The following ZNF804B variants were observed in gnomAD, a reference collection of about 807,000 sequenced individuals.
ZNF804B encodes zinc finger 804B.
In ZNF804B, 80 loss-of-function variants were observed where a neutral mutation model predicts 101.4. The observed-to-expected ratio is 0.79, with a 90% CI of 0.66 to 0.95. The LOEUF is 0.95. Among genes scored for constraint, ZNF804B ranks in the 40% least tolerant of loss-of-function variants. ZNF804B has a pLI of 0.00. For missense variants in ZNF804B, 1,673 were observed against 1,561.9 expected (o/e 1.07, Z -1.20); for synonymous variants, 622 against 558.8 (o/e 1.11, Z -1.59).
chr7:89,076,214 T>A (rs1392455377), intron 1 of ZNF804B, among the ~76,000 whole-genome samples: 1 of 152,174 alleles, frequency 6.6e-6, no homozygotes, highest in East Asian at 1.9e-4. Flanking sequence ...TGGGGTGGAA[T>A]TATATGGTTT....
chr7:88,982,907 A>AAGAG (rs1234830212), intron 1 of ZNF804B, among the ~76,000 whole-genome samples: 9 of 151,988 alleles, frequency 5.9e-5, no homozygotes, highest in African/African-American at 2.2e-4. Context: ...CCAAACTCCC[A>AAGAG]AGAGAGACAG....
At position 89,196,103 on chromosome 7, in the gene ZNF804B, C is replaced by T. The variant is rs958573606; in HGVS notation, c.109-22052C>T. ...AAAGAGCCTGAATAGCCAATACAAT[C>T]CTAAGTGTAAAGAACAAAGCTGGAG... On this transcript the variant is annotated intron_variant, in intron 1 of 3. Transcript: ENST00000333190. Among the ~76,000 whole-genome samples the T allele has an allele frequency of 5.3e-5, 8 of 152,090 alleles. No individual in the cohort carries two copies. In the South Asian group the frequency reaches 1.5e-3, roughly 28 times the overall value.
chr7:89,058,760 T>A (rs1789333263), intron 1 of ZNF804B, among the ~76,000 whole-genome samples: 1 of 152,096 alleles, frequency 6.6e-6, no homozygotes, highest in Non-Finnish European at 1.5e-5. Flanking sequence ...GTGGTACAAT[T>A]TCAGCTCACC....
chr7:89,124,773 T>A (rs1316859671), intron 1 of ZNF804B, among the ~76,000 whole-genome samples: 2 of 152,130 alleles, frequency 1.3e-5, no homozygotes, highest in Non-Finnish European at 2.9e-5. Flanking sequence ...TATGGCCAAA[T>A]GCAGTAGAGG....
chr7:89,211,786 C>T (rs1223443803), intron 1 of ZNF804B, among the ~76,000 whole-genome samples: 1 of 152,164 alleles, frequency 6.6e-6, no homozygotes, highest in Non-Finnish European at 1.5e-5. Flanking sequence ...ATGATGACTC[C>T]AGCTTTGTTC....
chr7:88,782,747 G>A (rs138353587), intron 1 of ZNF804B, among the ~76,000 whole-genome samples: 99 of 152,226 alleles, frequency 6.5e-4, no homozygotes, highest in African/African-American at 2.3e-3. Flanking sequence ...AAGAAATGGT[G>A]CTTCTGTGAG....
chr7:89,333,908 C>T lies in ZNF804B; in HGVS notation c.926C>T (p.Ser309Phe), dbSNP rs772523537. The T allele has an allele frequency of 6.2e-7, 1 of 1,613,546 alleles. No individual in the cohort carries two copies. Among genetic ancestry groups the T allele is most frequent in the Non-Finnish European group, 8.5e-7 (1 of 1,179,734 alleles). Residue 309 changes from serine to phenylalanine, a missense_variant, in exon 4 of 4, where the codon TCT (serine) becomes TTT (phenylalanine). Physicochemically the swap from Ser to Phe is radical, Grantham distance 155. Coordinates refer to ENST00000333190, the MANE Select transcript of ZNF804B (RefSeq NM_181646.5). ...AAAATTTTGCAAGACAAACACGACT[C>T]TATTGATGAGACACTAGAAGATTCA... ...NSKILQDKHD[S>F]IDETLEDSIG... is the part of the protein sequence containing the mutation.
chr7:88,896,689 A>G (rs1412470426), intron 1 of ZNF804B, among the ~76,000 whole-genome samples: 1 of 152,190 alleles, frequency 6.6e-6, no homozygotes, highest in Non-Finnish European at 1.5e-5. Flanking sequence ...GGGAGGTAAT[A>G]CTTAATCATT....
intron 2 of ZNF804B, among the ~76,000 whole-genome samples, chr7:89,220,047 A>ATATATACGCACACATATATGTGTG (rs1562920296): frequency 2.6e-5 from 1 of 38,760 alleles, no homozygotes; most frequent in African/African-American, 1.2e-4. Flanking sequence ...ATATATGTGC[A>ATATATACGCACACATATATGTGTG]TATATACATA....
chr7:88,877,364 A>G (rs1370521879), intron 1 of ZNF804B, among the ~76,000 whole-genome samples: 1 of 152,008 alleles, frequency 6.6e-6, no homozygotes, highest in South Asian at 2.1e-4. Context: ...AGGTATATGT[A>G]GAATTAGAAA....
intron 1 of ZNF804B, among the ~76,000 whole-genome samples, chr7:88,824,165 C>T (rs975447903): frequency 3.3e-5 from 5 of 152,168 alleles, no homozygotes; most frequent in Admixed American, 2.0e-4. Context: ...GAGTGCTAAG[C>T]ATTTGGTATA....
At chr7:89,192,116 T>C (rs1460396788) in intron 1 of ZNF804B, among the ~76,000 whole-genome samples, 1 of 152,124 alleles carries the variant, frequency 6.6e-6, no homozygotes, top group Admixed American at 6.6e-5. Flanking sequence ...GTTAACAGTT[T>C]GTTGAGATAT....
intron 1 of ZNF804B, among the ~76,000 whole-genome samples, chr7:89,185,929 A>G (rs10243858): frequency 0.012 from 1,826 of 152,216 alleles, 38 homozygotes; most frequent in African/African-American, 0.041. Context: ...GTTAGTCCTT[A>G]TATAAGACTT....
At chr7:88,791,585 C>G (rs574124305) in intron 1 of ZNF804B, among the ~76,000 whole-genome samples, 3 of 151,980 alleles carry the variant, frequency 2.0e-5, no homozygotes, top group Non-Finnish European at 4.4e-5. Context: ...GTATTATAGA[C>G]CCATAAAAAA....
chr7:88,931,678 T>C (rs1309182142), intron 1 of ZNF804B, among the ~76,000 whole-genome samples: 1 of 151,910 alleles, frequency 6.6e-6, no homozygotes, highest in Non-Finnish European at 1.5e-5. Flanking sequence ...CCTTTGATTG[T>C]ATGCTCCATA....
chr7:89,002,389 C>A (rs1258329618), intron 1 of ZNF804B, among the ~76,000 whole-genome samples: 1 of 151,838 alleles, frequency 6.6e-6, no homozygotes, highest in Non-Finnish European at 1.5e-5. Context: ...TATTTTCCCA[C>A]AATAACATGC....
intron 1 of ZNF804B, among the ~76,000 whole-genome samples, chr7:89,170,813 C>T (rs1273827913): frequency 1.3e-5 from 2 of 152,224 alleles, no homozygotes; most frequent in African/African-American, 4.8e-5. Context: ...CAGCAGCACA[C>T]TGCCAATGGG....
intron 1 of ZNF804B, among the ~76,000 whole-genome samples, chr7:89,089,689 A>C (rs1178049290): frequency 1.3e-5 from 2 of 152,196 alleles, no homozygotes; most frequent in Admixed American, 1.3e-4. Context: ...AATTAAAATG[A>C]AATTAAATTT....
chr7:89,302,187 C>T (rs532771640), intron 2 of ZNF804B, among the ~76,000 whole-genome samples: 1 of 151,894 alleles, frequency 6.6e-6, no homozygotes, highest in African/African-American at 2.4e-5. Context: ...TGTGTGTATA[C>T]CAAATATATG....
Sources: gnomAD v4.1 joint callset for allele counts (sites outside exome capture counted in the v4.1 genomes callset) on GRCh38, gnomAD v4.1.1 for gene constraint, MANE v1.5 for transcripts, NCBI Gene and HGNC (gene_info 2026-07-23, HGNC 2026-07-21) for gene names.